Variants in UBE2E2 observed in about 807,000 individuals in gnomAD.
The protein encoded by UBE2E2 is ubiquitin conjugating enzyme E2 E2.
Under a neutral mutation model 24.7 loss-of-function variants are expected in UBE2E2, and 6 were observed. The ratio of observed to expected loss-of-function variants is 0.24; its 90% confidence interval spans 0.13 to 0.48. The LOEUF (loss-of-function observed/expected upper bound fraction) is 0.48. UBE2E2 is among the 20% of genes least tolerant of loss of function. The pLI, the probability that UBE2E2 is intolerant of heterozygous loss-of-function variation, is 0.99. For synonymous variants in UBE2E2, 104 were observed against 83.6 expected (o/e 1.24, Z -1.33); for missense variants, 169 against 245.0 (o/e 0.69, Z 2.07).
intron 3 of UBE2E2, among the ~76,000 whole-genome samples, chr3:23,421,744 A>G (rs1011389263): frequency 6.6e-6 from 1 of 152,252 alleles, no homozygotes; most frequent in African/African-American, 2.4e-5. Context: ...AGAAACAGAA[A>G]GTCAAACACC....
At chr3:23,364,628 A>G (rs1184699657) in intron 3 of UBE2E2, among the ~76,000 whole-genome samples, 3 of 152,228 alleles carry the variant, frequency 2.0e-5, no homozygotes, top group African/African-American at 2.4e-5. Context: ...TGAATCAGTA[A>G]TAAAAAGCCT....
intron 3 of UBE2E2, among the ~76,000 whole-genome samples, chr3:23,335,284 TAAA>T (rs1695171070): frequency 6.6e-6 from 1 of 151,946 alleles, no homozygotes; most frequent in Non-Finnish European, 1.5e-5. Context: ...GAAGAAAAAA[TAAA>T]AATATGGGGA....
At chr3:23,565,936 T>C (rs549067341) in intron 5 of UBE2E2, among the ~76,000 whole-genome samples, 23 of 152,176 alleles carry the variant, frequency 1.5e-4, no homozygotes, top group Admixed American at 2.6e-4. Flanking sequence ...AGAATGACAA[T>C]GTAGACTAAA....
intron 3 of UBE2E2, among the ~76,000 whole-genome samples, chr3:23,267,053 C>T (rs901686540): frequency 2.0e-5 from 3 of 151,782 alleles, no homozygotes; most frequent in Non-Finnish European, 4.4e-5. Flanking sequence ...ACATTCAAAG[C>T]AGTGTGTAGA....
intron 4 of UBE2E2, among the ~76,000 whole-genome samples, chr3:23,510,272 G>A (rs563365411): frequency 6.6e-6 from 1 of 152,246 alleles, no homozygotes; most frequent in African/African-American, 2.4e-5. Flanking sequence ...CCAAAAATAA[G>A]GAGAAACAAA....
At chr3:23,425,217 CA>C (rs1697897248) in intron 3 of UBE2E2, among the ~76,000 whole-genome samples, 1 of 152,076 alleles carries the variant, frequency 6.6e-6, no homozygotes, top group African/African-American at 2.4e-5. Context: ...GCCATTAAAA[CA>C]GCTACTTTTT....
At chr3:23,571,109 A>T (rs940297891) in intron 5 of UBE2E2, among the ~76,000 whole-genome samples, 2 of 151,932 alleles carry the variant, frequency 1.3e-5, no homozygotes, top group Non-Finnish European at 2.9e-5. Context: ...TAAACTGATT[A>T]AGAAGTGATG....
chr3:23,345,243 A>G (rs993173750), intron 3 of UBE2E2, among the ~76,000 whole-genome samples: 1 of 152,196 alleles, frequency 6.6e-6, no homozygotes, highest in Non-Finnish European at 1.5e-5. Flanking sequence ...GTGACTATAC[A>G]CTGGAAAGAG....
At chr3:23,335,452 G>C (rs902840778) in intron 3 of UBE2E2, among the ~76,000 whole-genome samples, 2 of 152,056 alleles carry the variant, frequency 1.3e-5, no homozygotes, top group Non-Finnish European at 2.9e-5. Context: ...AGTATTTCTT[G>C]GATTTGCTTA....
intron 3 of UBE2E2, among the ~76,000 whole-genome samples, chr3:23,242,978 T>TA (rs1281103962): frequency 7.3e-5 from 11 of 151,584 alleles, no homozygotes; most frequent in Admixed American, 6.6e-4. Context: ...CCCAGCTACT[T>TA]GGGAGGCTGA....
At chr3:23,268,783 C>T (rs947425701) in intron 3 of UBE2E2, among the ~76,000 whole-genome samples, 38 of 149,148 alleles carry the variant, frequency 2.5e-4, no homozygotes, top group African/African-American at 7.2e-4. Flanking sequence ...GGAGGCATCA[C>T]GCTACCTGAC....
intron 3 of UBE2E2, among the ~76,000 whole-genome samples, chr3:23,352,914 G>C (rs28805096): frequency 3.3e-5 from 5 of 152,016 alleles, no homozygotes; most frequent in Non-Finnish European, 5.9e-5. Flanking sequence ...TACCAAAGCC[G>C]GGCAGAGACA....
Position 23,462,748 on chromosome 3 carries a change from A to G in UBE2E2, c.228-36860A>G, listed in dbSNP as rs112099942. ...TCTTTTGCATCCCTCATTATCTCTT[A>G]TTCTCCTGATGATCCTCCACATCTG... On this transcript the variant is annotated intron_variant, in intron 3 of 5. Coordinates refer to ENST00000396703, the MANE Select transcript of UBE2E2 (RefSeq NM_152653.4). Among the ~76,000 whole-genome samples, 377 of 152,230 alleles carry G rather than the reference A, an allele frequency of 2.5e-3. 2 individuals are homozygous for G. Among genetic ancestry groups the G allele is most frequent in the African/African-American group, 8.7e-3 (361 of 41,538 alleles).
chr3:23,567,290 G>A (rs62256976), intron 5 of UBE2E2, among the ~76,000 whole-genome samples: 32,192 of 152,196 alleles, frequency 0.21, 3,611 homozygotes, highest in Non-Finnish European at 0.26. Flanking sequence ...TTACTTGGCT[G>A]AGGCAGGGGT....
At chr3:23,317,709 A>C (rs1344344787) in intron 3 of UBE2E2, among the ~76,000 whole-genome samples, 1 of 152,038 alleles carries the variant, frequency 6.6e-6, no homozygotes, top group Non-Finnish European at 1.5e-5. Flanking sequence ...CACTATCATG[A>C]GAACAGCACG....
At chr3:23,210,483 A>G (rs893396698) in intron 2 of UBE2E2, among the ~76,000 whole-genome samples, 14 of 152,236 alleles carry the variant, frequency 9.2e-5, no homozygotes, top group Non-Finnish European at 2.9e-5. Flanking sequence ...AATTCTGCTT[A>G]TGAAAGATGT....
chr3:23,414,325 A>G (rs375663587), intron 3 of UBE2E2, among the ~76,000 whole-genome samples: 4 of 152,290 alleles, frequency 2.6e-5, no homozygotes, highest in African/African-American at 7.2e-5. Context: ...TCATCTGTCT[A>G]TGTGAGCTGG....
At position 23,255,154 on chromosome 3, in the gene UBE2E2, A is replaced by G. The variant is rs553336330; in HGVS notation, c.227+37842A>G. On this transcript the variant is annotated intron_variant, in intron 3 of 5. Coordinates refer to ENST00000396703, the MANE Select transcript of UBE2E2 (RefSeq NM_152653.4). ...CAGGCTGGAGTGCAGTGGCGTGATCACAGCTCACTATAATCTCCTCCCATG... is the reference window on the plus strand; with the variant it reads ...CAGGCTGGAGTGCAGTGGCGTGATCGCAGCTCACTATAATCTCCTCCCATG... Among the ~76,000 whole-genome samples the G allele has an allele frequency of 5.7e-5, 8 of 139,374 alleles. No homozygotes were observed. The East Asian group carries it at 1.3e-3, about 22-fold the overall frequency. 91.4% of individuals were successfully genotyped at this position (139,374 alleles called of 152,430 possible).
At chr3:23,367,564 C>G (rs558259957) in intron 3 of UBE2E2, among the ~76,000 whole-genome samples, 4 of 152,176 alleles carry the variant, frequency 2.6e-5, no homozygotes, top group Non-Finnish European at 5.9e-5. Flanking sequence ...GCTCTGTGCC[C>G]CTTCCCCCCA....
Sources: gnomAD v4.1 joint callset for allele counts (sites outside exome capture counted in the v4.1 genomes callset) on GRCh38, gnomAD v4.1.1 for gene constraint, MANE v1.5 for transcripts, NCBI Gene and HGNC (gene_info 2026-07-23, HGNC 2026-07-21) for gene names.